Variants in MCC observed in about 807,000 individuals in gnomAD.
MCC encodes the protein MCC regulator of Wnt signaling pathway.
In MCC, 90 loss-of-function variants were observed where a neutral mutation model predicts 116.2. That is an observed-to-expected ratio of 0.77 (90% CI 0.65 to 0.92). MCC has a LOEUF of 0.92. MCC is among the 40% of genes least tolerant of loss of function. The pLI is 0.00. For missense variants in MCC, 1,516 were observed against 1,312.2 expected, an observed-to-expected ratio of 1.16 and a Z score of -2.40; for synonymous variants, 578 against 510.5, an observed-to-expected ratio of 1.13 and a Z score of -1.78.
Position 113,122,800 on chromosome 5 carries a change from C to G in MCC, c.911G>C (p.Arg304Pro). The change falls in exon 6 of 19, where the codon CGA becomes CCA. Residue 304 changes from arginine (R) to proline (P), a missense_variant. Physicochemically the swap from Arg to Pro is moderately radical, Grantham distance 103. Coordinates refer to ENST00000408903, the MANE Select transcript of MCC (RefSeq NM_001085377.2). ...IREEDEYSELRSELSQSQHEV... is the reference protein window; with the variant it reads ...IREEDEYSELPSELSQSQHEV... Reference sequence around the variant, plus strand: ...GTGTTGGCTCTGGCTGAGTTCTGATCGCAGTTCTGAGTACTCATCTTCCTC... The same window carrying G: ...GTGTTGGCTCTGGCTGAGTTCTGATGGCAGTTCTGAGTACTCATCTTCCTC... The G allele has an allele frequency of 6.2e-7, 1 of 1,614,062 alleles. No homozygotes were observed. The highest frequency in any genetic ancestry group is 8.5e-7 in the Non-Finnish European group (1 of 1,179,996).
chr5:113,254,062 C>A (rs1395725680), intron 3 of MCC, among the ~76,000 whole-genome samples: 1 of 152,106 alleles, frequency 6.6e-6, no homozygotes, highest in African/African-American at 2.4e-5. Flanking sequence ...AAAAAAGATT[C>A]TCATAAAATG....
At chr5:113,211,222 T>C (rs905386811) in intron 3 of MCC, among the ~76,000 whole-genome samples, 1 of 152,198 alleles carries the variant, frequency 6.6e-6, no homozygotes, top group Non-Finnish European at 1.5e-5. Context: ...CCTTCTACTA[T>C]GTGAGGACAC....
chr5:113,023,087 C>A lies in MCC; in HGVS notation c.*4215G>T, dbSNP rs1350952183. ...TATATTTTAACAGCCACTGAGAGATCAGTGATGCTGTGGTGACAGCAGTCA... is the reference window on the plus strand; with the variant it reads ...TATATTTTAACAGCCACTGAGAGATAAGTGATGCTGTGGTGACAGCAGTCA... On this transcript the variant is annotated 3_prime_UTR_variant, in exon 19 of 19. Coordinates refer to ENST00000408903, the MANE Select transcript of MCC (RefSeq NM_001085377.2). 1.3e-5 allele frequency: 2 copies of A among 152,154 alleles called. No individual in the cohort carries two copies. Among genetic ancestry groups the A allele is most frequent in the Non-Finnish European group, 2.9e-5 (2 of 68,024 alleles). The allele number at this position is 152,154 out of a possible 1,614,324, so 9.4% of individuals were successfully genotyped here.
chr5:113,136,284 C>T (rs571970475), intron 5 of MCC, among the ~76,000 whole-genome samples: 212 of 152,272 alleles, frequency 1.4e-3, no homozygotes, highest in Non-Finnish European at 2.4e-3. Context: ...AATCAACAAT[C>T]TCTACTCCTG....
chr5:113,299,459 CATT>C (rs1766803054), intron 3 of MCC, among the ~76,000 whole-genome samples: 1 of 151,170 alleles, frequency 6.6e-6, no homozygotes, highest in African/African-American at 2.4e-5. Context: ...TTTTTCACCT[CATT>C]GTCTTGGATC....
At chr5:113,255,805 C>T (rs1270838052) in intron 3 of MCC, among the ~76,000 whole-genome samples, 2 of 152,180 alleles carry the variant, frequency 1.3e-5, no homozygotes, top group Non-Finnish European at 1.5e-5. Context: ...TCCTGGACCC[C>T]AGTAAAACAA....
chr5:113,307,022 C>T (rs781233175), intron 3 of MCC, among the ~76,000 whole-genome samples: 10 of 152,174 alleles, frequency 6.6e-5, no homozygotes, highest in Non-Finnish European at 1.3e-4. Flanking sequence ...GTATGTCCAT[C>T]CTTATGCTAA....
rs1260553434 is a variant in MCC at position 113,022,638 on chromosome 5, A to C, written c.*4664T>G. 2 of 152,270 alleles carry C rather than the reference A, an allele frequency of 1.3e-5. No individual in the cohort carries two copies. The highest frequency in any genetic ancestry group is 2.9e-5 in the Non-Finnish European group (2 of 68,046). 9.4% of individuals were successfully genotyped at this position (152,270 alleles called of 1,614,324 possible). On this transcript the variant is annotated 3_prime_UTR_variant, in exon 19 of 19. Coordinates refer to ENST00000408903, the MANE Select transcript of MCC (RefSeq NM_001085377.2). ...TATAAGTGAATACTATGAGTTCTAC[A>C]AACAGAACATTTTTCCACATGAATT...
chr5:113,042,858 G>A (rs1183943251), intron 17 of MCC, among the ~76,000 whole-genome samples: 1 of 151,790 alleles, frequency 6.6e-6, no homozygotes, highest in African/African-American at 2.4e-5. Flanking sequence ...TAAATAAAAT[G>A]TTATTAAAGG....
At chr5:113,442,354 T>C (rs1365725390) in intron 1 of MCC, among the ~76,000 whole-genome samples, 2 of 152,216 alleles carry the variant, frequency 1.3e-5, no homozygotes, top group Non-Finnish European at 2.9e-5. Flanking sequence ...GGGTTGTTTT[T>C]TTCTTGTAAA....
At chr5:113,371,489 A>G (rs192756120) in intron 2 of MCC, among the ~76,000 whole-genome samples, 1 of 152,368 alleles carries the variant, frequency 6.6e-6, no homozygotes, top group Non-Finnish European at 1.5e-5. Flanking sequence ...CAAAGAAATA[A>G]ATCTGACACG....
rs1250451615 is a variant in MCC at position 113,466,901 on chromosome 5, C to T, written c.170+21344G>A. Among the ~76,000 whole-genome samples the T allele has an allele frequency of 3.2e-4, 49 of 151,076 alleles. 1 individual carries two copies. In the East Asian group the frequency reaches 7.6e-3, roughly 23 times the overall value. ...CTAACTGGTGTGAGATGGTATCTCA[C>T]TGTGGTTTTGATTTGCATTTCTCTG... is the stretch of plus-strand genomic sequence containing the variant. On this transcript the variant is annotated intron_variant, in intron 1 of 18. Coordinates refer to ENST00000408903, the MANE Select transcript of MCC (RefSeq NM_001085377.2).
intron 3 of MCC, among the ~76,000 whole-genome samples, chr5:113,205,178 G>A (rs1350445605): frequency 2.6e-5 from 4 of 152,146 alleles, no homozygotes; most frequent in African/African-American, 9.7e-5. Flanking sequence ...TTTTGTGTTG[G>A]AGGACCCAGC....
chr5:113,418,848 C>A (rs944089821), intron 1 of MCC, among the ~76,000 whole-genome samples: 1 of 152,124 alleles, frequency 6.6e-6, no homozygotes, highest in African/African-American at 2.4e-5. Context: ...CAAAACCAAT[C>A]AAAAAGCAAT....
chr5:113,238,326 A>G (rs1246849476), intron 3 of MCC, among the ~76,000 whole-genome samples: 2 of 152,174 alleles, frequency 1.3e-5, no homozygotes, highest in African/African-American at 4.8e-5. Flanking sequence ...AATGAAGGGA[A>G]AATGCCACCT....
In MCC at chr5:113,303,415, A is replaced by G. The variant is rs554684700; in HGVS notation, c.627+37104T>C. Among the ~76,000 whole-genome samples, 6 of 152,352 alleles carry G rather than the reference A, an allele frequency of 3.9e-5. No homozygotes were observed. In the East Asian group the frequency reaches 7.7e-4, roughly 20 times the overall value. ...CTTACAGATTTCTGTAAATAGAATC[A>G]TAAGAAAGAACATCCAGAGAAGAAC... is the stretch of plus-strand genomic sequence containing the variant. On this transcript the variant is annotated intron_variant, in intron 3 of 18. Transcript: ENST00000408903.
intron 15 of MCC, among the ~76,000 whole-genome samples, chr5:113,051,487 C>A (rs1027751122): frequency 6.6e-6 from 1 of 152,190 alleles, no homozygotes; most frequent in Non-Finnish European, 1.5e-5. Flanking sequence ...GGGAGGTTGA[C>A]CTGGGTGGAT....
chr5:113,148,971 A>T (rs1759683583), intron 4 of MCC, among the ~76,000 whole-genome samples: 1 of 152,190 alleles, frequency 6.6e-6, no homozygotes, highest in Non-Finnish European at 1.5e-5. Flanking sequence ...CTTAGAGAAA[A>T]AATTTTCCAT....
intron 5 of MCC, among the ~76,000 whole-genome samples, chr5:113,136,173 A>C (rs961408503): frequency 3.3e-5 from 5 of 152,258 alleles, no homozygotes; most frequent in African/African-American, 1.2e-4. Context: ...ATAGCTGGTT[A>C]CAGGCTACAG....
Sources: gnomAD v4.1 joint callset for allele counts (sites outside exome capture counted in the v4.1 genomes callset) on GRCh38, gnomAD v4.1.1 for gene constraint, MANE v1.5 for transcripts, NCBI Gene and HGNC (gene_info 2026-07-23, HGNC 2026-07-21) for gene names.